ARHGEF10: variants seen among roughly 807,000 people sequenced by gnomAD.
The protein encoded by ARHGEF10 is Rho guanine nucleotide exchange factor 10.
Under a neutral mutation model 147.4 loss-of-function variants are expected in ARHGEF10, and 140 were observed. The ratio of observed to expected loss-of-function variants is 0.95; its 90% CI spans 0.83 to 1.09. ARHGEF10 has a LOEUF of 1.09. Among genes scored for constraint, ARHGEF10 ranks in the 50% least tolerant of loss-of-function variants. ARHGEF10 has a pLI of 0.00. For synonymous variants in ARHGEF10, 902 were observed against 695.8 expected, an observed-to-expected ratio of 1.30 and a Z score of -4.67; for missense variants, 2,222 against 1,752.7, an observed-to-expected ratio of 1.27 and a Z score of -4.78.
chr8:1,873,893 A>C (rs1231895390), intron 7 of ARHGEF10, among the ~76,000 whole-genome samples: 1 of 151,954 alleles, frequency 6.6e-6, no homozygotes, highest in African/African-American at 2.4e-5. Flanking sequence ...AGGTATACGT[A>C]AATATTCCTT....
intron 20 of ARHGEF10, 55 bp downstream of exon 20, chr8:1,923,650 T>A: frequency 6.2e-7 from 1 of 1,614,126 alleles, no homozygotes; most frequent in South Asian, 1.1e-5. Flanking sequence ...GAGAAAATGG[T>A]TCTTTGTCAT....
intron 11 of ARHGEF10, among the ~76,000 whole-genome samples, chr8:1,891,648 AG>A (rs1171080785): frequency 6.6e-6 from 1 of 152,084 alleles, no homozygotes; most frequent in Non-Finnish European, 1.5e-5. Context: ...CCTTCATGCC[AG>A]GGACCCTCCC....
rs367782328 is a variant in ARHGEF10, at chr8:1,835,420, G to C, written c.-47-7933G>C. Among the ~76,000 whole-genome samples the C allele has an allele frequency of 1.4e-4, 22 of 152,222 alleles. No homozygotes were observed. In the East Asian group the frequency reaches 3.3e-3, roughly 23 times the overall value. On this transcript the variant is annotated intron_variant, in intron 1 of 28. Transcript: ENST00000349830. ...GTGTGGCTGGGAAGTGCTGGGCTGGGGCAGATGCAGACAGGCTCCCGGCAC... is the reference window on the plus strand; with the variant it reads ...GTGTGGCTGGGAAGTGCTGGGCTGGCGCAGATGCAGACAGGCTCCCGGCAC...
intron 3 of ARHGEF10, among the ~76,000 whole-genome samples, chr8:1,858,346 A>G (rs1805778914): frequency 6.6e-6 from 1 of 152,120 alleles, no homozygotes; most frequent in Admixed American, 6.5e-5. Context: ...CCCCATTCTT[A>G]CGGCCCAATT....
At chr8:1,946,146 T>C (rs1288980672) in intron 27 of ARHGEF10, among the ~76,000 whole-genome samples, 3 of 151,938 alleles carry the variant, frequency 2.0e-5, no homozygotes, top group African/African-American at 4.8e-5. Context: ...CCATTACACA[T>C]TGAGTTTTGG....
At chr8:1,952,050 G>C (rs1815102367) in intron 27 of ARHGEF10, among the ~76,000 whole-genome samples, 1 of 151,898 alleles carries the variant, frequency 6.6e-6, no homozygotes, top group African/African-American at 2.4e-5. Context: ...AGTTTCTCTG[G>C]GCTTCAGATC....
rs976561069 is a variant in ARHGEF10, at chr8:1,854,126, T to G, written c.38-3834T>G. On this transcript the variant is annotated intron_variant, in intron 2 of 28. Coordinates refer to ENST00000349830, the MANE Select transcript of ARHGEF10 (RefSeq NM_014629.4). ...CACTTCACTAAGGGACCTGGGGAGC[T>G]CGGGTGGGGTCTGTGATGCCCAGGA... 1.2e-4 allele frequency among the ~76,000 whole-genome samples: 18 copies of G among 152,242 alleles called. 1 individual carries two copies. Among genetic ancestry groups the G allele is most frequent in the African/African-American group, 4.3e-4 (18 of 41,548 alleles).
intron 28 of ARHGEF10, among the ~76,000 whole-genome samples, chr8:1,954,457 C>G (rs529316630): frequency 4.3e-5 from 6 of 138,928 alleles, no homozygotes; most frequent in African/African-American, 1.4e-4. Flanking sequence ...AAGTGCAATG[C>G]AAATATTCCA....
intron 26 of ARHGEF10, among the ~76,000 whole-genome samples, chr8:1,941,905 C>T (rs776323153): frequency 2.0e-5 from 3 of 152,216 alleles, no homozygotes; most frequent in Non-Finnish European, 2.9e-5. Flanking sequence ...GGCACAACTT[C>T]ATTCTTCCAT....
At chr8:1,888,161 TGCGAGGAGACA>T (rs1808895771) in intron 11 of ARHGEF10, among the ~76,000 whole-genome samples, 1 of 81,770 alleles carries the variant, frequency 1.2e-5, no homozygotes, top group Admixed American at 1.1e-4. Context: ...GGGCGAGGGT[TGCGAGGAGACA>T]GTGAGTGGGG....
chr8:1,869,511 C>G, intron 7 of ARHGEF10: 1 of 600,756 alleles, frequency 1.7e-6, no homozygotes, highest in Non-Finnish European at 3.0e-6. Flanking sequence ...AAAATGCCGG[C>G]AAAGAGGTAG....
rs1013851200 is a variant in ARHGEF10, at chr8:1,929,531, G to A, written c.3079+88G>A. The A allele has an allele frequency of 1.2e-5, 17 of 1,445,364 alleles. No individual in the cohort carries two copies. The East Asian group carries it at 3.6e-4, about 30-fold the overall frequency. The allele number at this position is 1,445,364 out of a possible 1,614,324, so 89.5% of individuals were successfully genotyped here. On this transcript the variant is annotated intron_variant, in intron 25 of 28. Coordinates refer to ENST00000349830, the MANE Select transcript of ARHGEF10 (RefSeq NM_014629.4). ...GGTTTAGCCTCCCCACCTCCCCACC[G>A]GCCTCCTGCCTCCCGCCCCTGTGCC... is the stretch of plus-strand genomic sequence containing the variant.
At chr8:1,915,759 A>G (rs77728703) in intron 18 of ARHGEF10, among the ~76,000 whole-genome samples, 3,953 of 152,360 alleles carry the variant, frequency 0.026, 185 homozygotes, top group African/African-American at 0.09. Flanking sequence ...AACAGGAGGC[A>G]GGGAGAAGTG....
At chr8:1,844,870 C>T (rs1716962789) in intron 2 of ARHGEF10, among the ~76,000 whole-genome samples, 1 of 152,066 alleles carries the variant, frequency 6.6e-6, no homozygotes. Flanking sequence ...AGTTTGAGAC[C>T]AGCCTGGGCA....
intron 2 of ARHGEF10, among the ~76,000 whole-genome samples, chr8:1,851,409 C>T (rs575162654): frequency 2.0e-5 from 3 of 151,940 alleles, no homozygotes; most frequent in East Asian, 3.9e-4. Context: ...GCACCAGGAG[C>T]GAGGCCTAAC....
In ARHGEF10 at chr8:1,948,730, T is replaced by C. The variant is rs1814789566; in HGVS notation, c.3397+3075T>C. 6.6e-6 allele frequency among the ~76,000 whole-genome samples: 1 copy of C among 152,190 alleles called. No individual in the cohort carries two copies. The highest frequency in any genetic ancestry group is 2.1e-4 in the South Asian group (1 of 4,834). On this transcript the variant is annotated intron_variant, in intron 27 of 28. Transcript: ENST00000349830. The surrounding 1 kb of genome is among the most constrained non-coding windows in gnomAD (Gnocchi z 4.9). Reference sequence around the variant, plus strand: ...CTCCAGAGAGTCCTTTCATCTCATCTCCTCTGTCTAGTCGTCTTTGCCTTT... The same window carrying C: ...CTCCAGAGAGTCCTTTCATCTCATCCCCTCTGTCTAGTCGTCTTTGCCTTT...
chr8:1,837,358 C>T (rs953122150), intron 1 of ARHGEF10, among the ~76,000 whole-genome samples: 2 of 152,264 alleles, frequency 1.3e-5, no homozygotes, highest in Non-Finnish European at 2.9e-5. Context: ...TGTGAGCTGT[C>T]ACCCTTAAAA....
intron 4 of ARHGEF10, 131 bp downstream of exon 4, chr8:1,860,315 T>C (rs1427102834): frequency 1.7e-5 from 21 of 1,264,016 alleles, no homozygotes; most frequent in Non-Finnish European, 2.2e-5. Context: ...AGTCCGGGCC[T>C]GACCTTCCCC....
At chr8:1,843,276 C>G in intron 1 of ARHGEF10, 77 bp from the exon 2 acceptor site, 2 of 1,142,528 alleles carry the variant, frequency 1.8e-6, no homozygotes. Context: ...GCGGGGTTCT[C>G]TGTCGACAGC....
Sources: allele counts gnomAD v4.1 joint callset (sites outside exome capture counted in the v4.1 genomes callset), GRCh38; gene constraint gnomAD v4.1.1; non-coding constraint Gnocchi (gnomAD v3.1); transcripts MANE v1.5; gene names NCBI Gene and HGNC (gene_info 2026-07-23, HGNC 2026-07-21).